Variants in PHKA1 observed in about 807,000 individuals in gnomAD.
PHKA1 encodes phosphorylase kinase regulatory subunit alpha 1.
PHKA1 carries 60 observed loss-of-function variants against 110.2 expected under a neutral mutation model. The observed-to-expected ratio is 0.54, with a 90% confidence interval of 0.44 to 0.68. The LOEUF (loss-of-function observed/expected upper bound fraction) is 0.68. PHKA1 is among the 30% of genes least tolerant of loss of function. The pLI is 0.00. For synonymous variants in PHKA1, 316 were observed against 333.6 expected (o/e 0.95, Z 0.58); for missense variants, 801 against 942.5 (o/e 0.85, Z 1.97).
At chrX:72,617,182 A>G (rs1049777467) in intron 21 of PHKA1, among the ~76,000 whole-genome samples, 1 of 111,774 alleles carries the variant, frequency 8.9e-6, no homozygotes, top group South Asian at 3.7e-4. Flanking sequence ...GAGACTAAAA[A>G]AGCAATACAA....
At chrX:72,660,244 T>C (rs1349718368) in intron 8 of PHKA1, among the ~76,000 whole-genome samples, 1 of 111,878 alleles carries the variant, frequency 8.9e-6, no homozygotes, top group Non-Finnish European at 1.9e-5. Context: ...TCCACCAGCA[T>C]AAGTCCATAG....
In PHKA1 at chrX:72,650,417, C is replaced by T. The variant is rs369136290; in HGVS notation, c.1297G>A (p.Val433Ile). The T allele has an allele frequency of 7.0e-5, 85 of 1,208,252 alleles. No homozygotes were observed. Among genetic ancestry groups the T allele is most frequent in the Non-Finnish European group, 8.8e-5 (79 of 893,909 alleles). ...TGAACCACAACATCGGGCTTCGGTA[C>T]AGTAGAAAACCTGCGATTCAGGGGA... ...IDPLNRRFST[V>I]PKPDVVVQVS... The change falls in exon 13 of 32, where the codon GTA becomes ATA. Residue 433 changes from valine to isoleucine, a missense_variant. Around this residue, in one of 2 missense-constraint regions of PHKA1, gnomAD observed 299 missense variants for 423.3 expected, o/e 0.71. Transcript: ENST00000373542.
Position 72,673,217 on chromosome X carries a change from T to C in PHKA1, c.618+2853A>G, listed in dbSNP as rs180727692. ...TGCTTGTATCATGGTTATAAAAGAG[T>C]CCTTGAGGAAATTCACACTGAAATA... On this transcript the variant is annotated intron_variant, in intron 6 of 31. Transcript: ENST00000373542. 2.2e-4 allele frequency among the ~76,000 whole-genome samples: 24 copies of C among 111,099 alleles called. No homozygotes were observed. The East Asian group carries it at 5.3e-3, about 25-fold the overall frequency.
intron 12 of PHKA1, among the ~76,000 whole-genome samples, chrX:72,650,969 C>T (rs1169942412): frequency 8.9e-6 from 1 of 112,033 alleles, no homozygotes; most frequent in African/African-American, 3.2e-5. Flanking sequence ...CCGCTTTGGC[C>T]TCCCAAAGTG....
chrX:72,678,003 G>A (rs1291322280), intron 5 of PHKA1, among the ~76,000 whole-genome samples: 2 of 111,585 alleles, frequency 1.8e-5, no homozygotes, highest in Non-Finnish European at 3.8e-5. Flanking sequence ...AGCCATGATT[G>A]CGCCACTGAA....
intron 30 of PHKA1, among the ~76,000 whole-genome samples, chrX:72,583,320 C>T (rs2052363389): frequency 1.8e-5 from 2 of 111,403 alleles, no homozygotes; most frequent in Admixed American, 1.9e-4. Flanking sequence ...CCTTCTTTAC[C>T]TATTTTACAT....
At chrX:72,616,920 T>C (rs2052905850) in intron 21 of PHKA1, among the ~76,000 whole-genome samples, 1 of 111,213 alleles carries the variant, frequency 9.0e-6, no homozygotes. Context: ...ACTGAACAAA[T>C]TAAGAAGGAA....
At position 72,635,306 on chromosome X, in the gene PHKA1, CAAAT is replaced by C; in HGVS notation, c.1570-11_1570-8del. 8.4e-7 allele frequency: 1 copy of C among 1,193,687 alleles called. No homozygotes were observed. The highest frequency in any genetic ancestry group is 1.1e-6 in the Non-Finnish European group (1 of 880,465). On this transcript the variant is annotated splice_polypyrimidine_tract_variant and splice_region_variant and intron_variant, in intron 15 of 31. Coordinates refer to ENST00000373542, the MANE Select transcript of PHKA1 (RefSeq NM_002637.4). The stretch of plus-strand genomic sequence containing the variant: ...ACTGTTGCTGGTCTATAAACTGAGA[CAAAT>C]AAAAATAATAGATTAGATTAATTTA...
At chrX:72,675,182 C>T (rs1410811352) in intron 6 of PHKA1, among the ~76,000 whole-genome samples, 3 of 104,251 alleles carry the variant, frequency 2.9e-5, no homozygotes, top group Non-Finnish European at 3.9e-5. Flanking sequence ...GGTGAGACTC[C>T]GTCTCAAAAA....
intron 4 of PHKA1, 56 bp from the exon 5 acceptor site, chrX:72,684,636 T>C: frequency 1.4e-6 from 1 of 733,380 alleles, no homozygotes; most frequent in Non-Finnish European, 2.1e-6. Flanking sequence ...ATAAGCTTTA[T>C]AGGCAGCCAT....
At chrX:72,582,326 T>A (rs2052349213) in intron 31 of PHKA1, 72 bp downstream of exon 31, 1 of 787,229 alleles carries the variant, frequency 1.3e-6, no homozygotes, top group South Asian at 2.1e-5. Context: ...CCGTGGCTCC[T>A]CAAAGACCTC....
intron 28 of PHKA1, among the ~76,000 whole-genome samples, chrX:72,598,032 A>C (rs1050369454): frequency 8.9e-6 from 1 of 112,049 alleles, no homozygotes; most frequent in Non-Finnish European, 1.9e-5. Context: ...GAAATCAAAA[A>C]TTTTTGTTGT....
At chrX:72,688,473 T>C (rs189051303) in intron 4 of PHKA1, among the ~76,000 whole-genome samples, 4 of 112,433 alleles carry the variant, frequency 3.6e-5, no homozygotes, top group Non-Finnish European at 7.5e-5. Flanking sequence ...ATTATTCATC[T>C]GTTAGACTTG....
At chrX:72,703,674 A>T (rs1556330871) in intron 3 of PHKA1, among the ~76,000 whole-genome samples, 2 of 111,713 alleles carry the variant, frequency 1.8e-5, no homozygotes, top group Non-Finnish European at 3.8e-5. Flanking sequence ...ACAAAGTGAG[A>T]CCCCTATCTA....
intron 7 of PHKA1, 123 bp from the exon 8 acceptor site, chrX:72,666,420 T>C: frequency 1.7e-6 from 1 of 594,328 alleles, no homozygotes; most frequent in Non-Finnish European, 2.7e-6. Flanking sequence ...AGAACATTCT[T>C]TATCTATTTT....
At chrX:72,641,885 A>C in intron 14 of PHKA1, among the ~76,000 whole-genome samples, 1 of 111,552 alleles carries the variant, frequency 9.0e-6, no homozygotes, top group East Asian at 2.8e-4. Flanking sequence ...CCCCAGGCAA[A>C]TCTATCCCCT....
chrX:72,659,619 A>G (rs1262998729), intron 8 of PHKA1, among the ~76,000 whole-genome samples: 3 of 111,984 alleles, frequency 2.7e-5, no homozygotes, highest in African/African-American at 6.5e-5. Context: ...CCCATTCCCT[A>G]TGTGTAACAG....
intron 14 of PHKA1, among the ~76,000 whole-genome samples, chrX:72,641,860 C>T (rs782556728): frequency 9.9e-5 from 11 of 111,567 alleles, no homozygotes; most frequent in East Asian, 2.8e-4. Context: ...TCATCTATCA[C>T]GCTTTTCCTG....
At chrX:72,681,125 T>A (rs1287681040) in intron 5 of PHKA1, among the ~76,000 whole-genome samples, 15 of 74,298 alleles carry the variant, frequency 2.0e-4, no homozygotes, top group African/African-American at 7.6e-4. Flanking sequence ...GTGAGGAGCG[T>A]CTCTGCCCGG....
Sources: gnomAD v4.1 joint callset for allele counts (sites outside exome capture counted in the v4.1 genomes callset) on GRCh38, gnomAD v4.1.1 for gene constraint, gnomAD v4.1.1 regional missense constraint, MANE v1.5 for transcripts, NCBI Gene and HGNC (gene_info 2026-07-23, HGNC 2026-07-21) for gene names.